SYT16: variants seen among roughly 807,000 people sequenced by gnomAD.
SYT16 encodes synaptotagmin 16.
A neutral mutation model predicts 61.4 loss-of-function variants in SYT16; 42 were observed. The observed-to-expected ratio is 0.68, with a 90% CI of 0.53 to 0.89. The LOEUF is 0.89. Ranked by LOEUF, SYT16 falls within the 40% of genes least tolerant of loss-of-function variation. SYT16 has a pLI of 0.00. For missense variants in SYT16, 804 were observed against 807.3 expected, an observed-to-expected ratio of 1.00 and a Z score of 0.05; for synonymous variants, 314 against 302.3, an observed-to-expected ratio of 1.04 and a Z score of -0.40.
At chr14:62,031,296 C>A (rs2054300728) in intron 3 of SYT16, among the ~76,000 whole-genome samples, 1 of 152,146 alleles carries the variant, frequency 6.6e-6, no homozygotes, top group Non-Finnish European at 1.5e-5. Context: ...TTCGAATGAG[C>A]TAAACCGCAT....
At chr14:61,812,560 C>T (rs962354010), upstream of SYT16, 60 of 151,086 alleles carry the variant, frequency 4.0e-4, no homozygotes, top group South Asian at 1.1e-3. Context: ...GGCGCCGCAG[C>T]TCGGCCGTTC....
intron 1 of SYT16, among the ~76,000 whole-genome samples, chr14:61,860,608 T>C (rs1394199264): frequency 6.6e-6 from 1 of 152,194 alleles, no homozygotes; most frequent in Non-Finnish European, 1.5e-5. Context: ...TTTTAAAAAG[T>C]ATTGGTCTAT....
At chr14:62,050,329 T>G (rs909940437) in intron 3 of SYT16, among the ~76,000 whole-genome samples, 3 of 152,222 alleles carry the variant, frequency 2.0e-5, no homozygotes, top group African/African-American at 7.2e-5. Context: ...CCATCAGGTC[T>G]TTTAAGGACT....
chr14:61,973,004 T>C (rs1260345937), intron 2 of SYT16, among the ~76,000 whole-genome samples: 1 of 152,194 alleles, frequency 6.6e-6, no homozygotes, highest in African/African-American at 2.4e-5. Context: ...ACCATCCTAC[T>C]CTTAGATTAA....
intron 4 of SYT16, 145 bp downstream of exon 4, chr14:62,069,960 G>T: frequency 1.0e-6 from 1 of 969,138 alleles, no homozygotes; most frequent in Non-Finnish European, 1.5e-6. Context: ...GAGCAAAGGG[G>T]CTGCTTTGAA....
At chr14:61,845,343 A>G (rs60188902) in intron 1 of SYT16, among the ~76,000 whole-genome samples, 13,880 of 152,134 alleles carry the variant, frequency 0.091, 655 homozygotes, top group Non-Finnish European at 0.1. Context: ...CACTGTGCCC[A>G]GCCTGGGAGA....
intron 1 of SYT16, among the ~76,000 whole-genome samples, chr14:61,916,392 A>G (rs936254948): frequency 2.6e-5 from 4 of 152,092 alleles, no homozygotes; most frequent in African/African-American, 7.2e-5. Context: ...ATGTGCTCCT[A>G]TTACTCCACG....
At chr14:61,863,009 A>G (rs757346832) in intron 1 of SYT16, among the ~76,000 whole-genome samples, 5 of 152,192 alleles carry the variant, frequency 3.3e-5, no homozygotes, top group Non-Finnish European at 5.9e-5. Context: ...CAGTTTGTTT[A>G]TCCATTTACC....
At chr14:62,084,439 C>T (rs2140983502) in intron 7 of SYT16, 54 bp downstream of exon 7, 1 of 1,544,002 alleles carries the variant, frequency 6.5e-7, no homozygotes, top group Non-Finnish European at 8.7e-7. Context: ...AAGTGGAAAG[C>T]CCTGTCTGCT....
At chr14:62,000,099 ATTTTTTTTTTTT>A in intron 3 of SYT16, among the ~76,000 whole-genome samples, 29 of 18,958 alleles carry the variant, frequency 1.5e-3, no homozygotes, top group Admixed American at 2.4e-3. Flanking sequence ...TTGTCTCTCG[ATTTTTTTTTTTT>A]TTTTTTTTTT....
rs574280488 is a variant in SYT16, at chr14:62,101,340, T to A, written c.*633T>A. The A allele has an allele frequency of 3.9e-5, 6 of 152,174 alleles. No homozygotes were observed. The highest frequency in any genetic ancestry group is 7.4e-5 in the Non-Finnish European group (5 of 68,022). 9.4% of individuals were successfully genotyped at this position (152,174 alleles called of 1,614,324 possible). ...GTGGTTTCTATGAGATTTGGTTAGA[T>A]GAATCATTTTGAAGCAAGAAAAGAG... On this transcript the variant is annotated 3_prime_UTR_variant, in exon 8 of 8. Coordinates refer to ENST00000683842, the MANE Select transcript of SYT16 (RefSeq NM_001367656.1).
intron 2 of SYT16, among the ~76,000 whole-genome samples, chr14:61,973,291 GA>G (rs2051641048): frequency 6.6e-6 from 1 of 152,158 alleles, no homozygotes; most frequent in Non-Finnish European, 1.5e-5. Context: ...AGGGGACAAA[GA>G]AACTGGAATG....
intron 3 of SYT16, among the ~76,000 whole-genome samples, chr14:62,061,723 T>A (rs1196318498): frequency 6.6e-6 from 1 of 152,140 alleles, no homozygotes; most frequent in East Asian, 1.9e-4. Context: ...TATGCACCTA[T>A]TAAGGGCTTC....
At chr14:61,971,804 G>A (rs1403354584) in intron 2 of SYT16, among the ~76,000 whole-genome samples, 2 of 152,132 alleles carry the variant, frequency 1.3e-5, no homozygotes, top group East Asian at 3.8e-4. Flanking sequence ...ACTTCCCATG[G>A]GACATATGAC....
chr14:61,921,083 G>A (rs558559472), intron 1 of SYT16, among the ~76,000 whole-genome samples: 2 of 152,188 alleles, frequency 1.3e-5, no homozygotes, highest in Admixed American at 6.5e-5. Flanking sequence ...TACATGTACT[G>A]ATTAAACTTA....
At chr14:61,912,773 A>G (rs1048042655) in intron 1 of SYT16, among the ~76,000 whole-genome samples, 1 of 152,160 alleles carries the variant, frequency 6.6e-6, no homozygotes, top group Non-Finnish European at 1.5e-5. Flanking sequence ...ATTCCCCCAC[A>G]TACAAAACAT....
intron 3 of SYT16, among the ~76,000 whole-genome samples, chr14:62,057,932 A>ATC (rs1386024477): frequency 1.3e-5 from 2 of 152,054 alleles, no homozygotes; most frequent in African/African-American, 4.8e-5. Flanking sequence ...TTTGTAATCC[A>ATC]TCTCTCTCTC....
intron 1 of SYT16, among the ~76,000 whole-genome samples, chr14:61,886,913 CT>C (rs1451520710): frequency 9.7e-5 from 3 of 30,944 alleles, no homozygotes; most frequent in African/African-American, 1.2e-4. Flanking sequence ...TTTTTTTTTC[CT>C]TTTTATGGAG....
In SYT16 at chr14:61,953,453, C is replaced by A. The variant is rs546487043; in HGVS notation, c.-324-16679C>A. Among the ~76,000 whole-genome samples the A allele has an allele frequency of 6.2e-4, 95 of 152,094 alleles. 1 individual carries two copies. The South Asian group carries it at 6.8e-3, about 11-fold the overall frequency. ...GTAGTTCTAGAGGTCTCCAGGAGAC[C>A]TCTCTCTTGTACTCTGTGGACCAAG... On this transcript the variant is annotated intron_variant, in intron 1 of 7. Coordinates refer to ENST00000683842, the MANE Select transcript of SYT16 (RefSeq NM_001367656.1).
Sources: allele counts gnomAD v4.1 joint callset (sites outside exome capture counted in the v4.1 genomes callset), GRCh38; gene constraint gnomAD v4.1.1; transcripts MANE v1.5; gene names NCBI Gene and HGNC (gene_info 2026-07-23, HGNC 2026-07-21).